The following TLE4 variants were observed in gnomAD, a reference collection of about 807,000 sequenced individuals.
The protein encoded by TLE4 is TLE family member 4, transcriptional corepressor.
Under a neutral mutation model 92.8 loss-of-function variants are expected in TLE4, and 8 were observed. The observed-to-expected ratio is 0.09, with a 90% CI of 0.05 to 0.16. The LOEUF is 0.16. Ranked by LOEUF, TLE4 falls within the 10% of genes least tolerant of loss-of-function variation. The pLI is 1.00. For missense variants in TLE4, 675 were observed against 997.6 expected, an observed-to-expected ratio of 0.68 and a Z score of 4.36; for synonymous variants, 371 against 374.1, an observed-to-expected ratio of 0.99 and a Z score of 0.10.
chr9:79,672,737 G>A (rs914336116), intron 8 of TLE4, among the ~76,000 whole-genome samples: 15 of 151,936 alleles, frequency 9.9e-5, no homozygotes, highest in African/African-American at 3.6e-4. Context: ...GATTTAAGAG[G>A]GATTCACATT....
At chr9:79,585,842 C>G (rs1367950791) in intron 4 of TLE4, among the ~76,000 whole-genome samples, 1 of 151,718 alleles carries the variant, frequency 6.6e-6, no homozygotes, top group Non-Finnish European at 1.5e-5. Context: ...TAAAGCATTC[C>G]CCCCGTCCTG....
intron 8 of TLE4, among the ~76,000 whole-genome samples, chr9:79,686,494 C>T (rs944662940): frequency 6.6e-6 from 1 of 152,100 alleles, no homozygotes. Flanking sequence ...AAGATGAGGT[C>T]ATCCGGGAAT....
intron 8 of TLE4, among the ~76,000 whole-genome samples, chr9:79,677,632 A>G (rs1037336472): frequency 5.5e-5 from 8 of 146,020 alleles, no homozygotes; most frequent in African/African-American, 1.8e-4. Context: ...TTTGTAAAAC[A>G]ATTCTGCGTT....
chr9:79,580,079 G>A (rs2039189389), intron 4 of TLE4: 1 of 152,210 alleles, frequency 6.6e-6, no homozygotes, highest in Admixed American at 6.5e-5. Flanking sequence ...TTGTTAAGAA[G>A]AAATTGACTT....
At chr9:79,624,997 T>C (rs1456190895) in intron 5 of TLE4, among the ~76,000 whole-genome samples, 1 of 151,042 alleles carries the variant, frequency 6.6e-6, no homozygotes, top group Non-Finnish European at 1.5e-5. Context: ...TAAGTTTCTT[T>C]TAAATCTATT....
intron 6 of TLE4, among the ~76,000 whole-genome samples, chr9:79,628,342 C>T (rs1003114650): frequency 6.6e-6 from 1 of 151,528 alleles, no homozygotes; most frequent in African/African-American, 2.4e-5. Flanking sequence ...GTATCAAACA[C>T]ACTTTGAAAT....
At chr9:79,698,540 TTTTGA>T (rs2068870611) in intron 8 of TLE4, among the ~76,000 whole-genome samples, 1 of 152,034 alleles carries the variant, frequency 6.6e-6, no homozygotes, top group African/African-American at 2.4e-5. Context: ...TGAAGGTGAG[TTTTGA>T]TTTATGTTAA....
At chr9:79,573,342 TC>T in intron 1 of TLE4, 10 of 1,088,026 alleles carry the variant, frequency 9.2e-6, no homozygotes, top group Admixed American at 4.3e-5. Context: ...ATGGCGCGGG[TC>T]CCCCCGACGG....
At chr9:79,636,990 G>T (rs551920726) in intron 6 of TLE4, among the ~76,000 whole-genome samples, 107 of 134,988 alleles carry the variant, frequency 7.9e-4, no homozygotes, top group Non-Finnish European at 3.9e-4. Context: ...AAAAGGAAGC[G>T]CATGGACTGG....
chr9:79,653,223 G>A (rs755804076), intron 7 of TLE4, among the ~76,000 whole-genome samples: 13 of 152,138 alleles, frequency 8.5e-5, no homozygotes, highest in Non-Finnish European at 1.5e-4. Flanking sequence ...CCTATATAGA[G>A]CAGTAAAAAT....
Position 79,572,661 on chromosome 9 carries a change from G to C in TLE4, c.-130G>C. 9.1e-6 allele frequency: 7 copies of C among 772,238 alleles called. No homozygotes were observed. The highest frequency in any genetic ancestry group is 3.3e-4 in the Middle Eastern group (1 of 3,020). 47.8% of individuals were successfully genotyped at this position (772,238 alleles called of 1,614,324 possible). A position where few individuals can be genotyped will look rare whatever the true frequency, so the allele number is the denominator to read the frequency against. ...CCGTGTCACGCGAGACCCGGCGGGG[G>C]CCGGGACCGCCCGAGCCGCCCCTCA... On this transcript the variant is annotated 5_prime_UTR_variant, in exon 1 of 20. Coordinates refer to ENST00000376552, the MANE Select transcript of TLE4 (RefSeq NM_007005.6).
chr9:79,712,154 C>T (rs1286964103), intron 14 of TLE4, among the ~76,000 whole-genome samples: 2 of 152,136 alleles, frequency 1.3e-5, no homozygotes, highest in African/African-American at 4.8e-5. Flanking sequence ...GCTGTTTAGT[C>T]AACCCCAGCA....
At chr9:79,588,912 G>T (rs1353728213) in intron 4 of TLE4, among the ~76,000 whole-genome samples, 2 of 152,208 alleles carry the variant, frequency 1.3e-5, no homozygotes, top group Non-Finnish European at 1.5e-5. Context: ...CCAAACAAAA[G>T]AATTAGGGAG....
chr9:79,687,377 A>C (rs1051035576), intron 8 of TLE4, among the ~76,000 whole-genome samples: 1 of 152,128 alleles, frequency 6.6e-6, no homozygotes, highest in Non-Finnish European at 1.5e-5. Context: ...TGGGTGCCAG[A>C]TTTTCTTCCT....
At chr9:79,609,676 G>T (rs1485199754) in intron 4 of TLE4, among the ~76,000 whole-genome samples, 1 of 151,972 alleles carries the variant, frequency 6.6e-6, no homozygotes, top group Admixed American at 6.6e-5. Context: ...TGCTATTTTA[G>T]AATATCATGA....
In TLE4 at chr9:79,575,911, G is replaced by A. The variant is rs541210434; in HGVS notation, c.208-222G>A. 6.8e-5 allele frequency: 25 copies of A among 366,652 alleles called. No homozygotes were observed. The East Asian group carries it at 9.1e-4, about 13-fold the overall frequency. 22.7% of individuals were successfully genotyped at this position (366,652 alleles called of 1,614,324 possible). ...TGGAGATGTTAAGAATGCTGTGTTT[G>A]AATTTAATTTTTCTTAGTTTTGTGT... On this transcript the variant is annotated intron_variant, in intron 3 of 19. Transcript: ENST00000376552.
chr9:79,639,952 G>A (rs2056796346), intron 6 of TLE4, among the ~76,000 whole-genome samples: 1 of 152,110 alleles, frequency 6.6e-6, no homozygotes, highest in African/African-American at 2.4e-5. Flanking sequence ...GGAACAACCT[G>A]AACACCCAAC....
chr9:79,673,662 C>T (rs2062778282), intron 8 of TLE4, among the ~76,000 whole-genome samples: 2 of 152,226 alleles, frequency 1.3e-5, no homozygotes, highest in Admixed American at 6.6e-5. Context: ...GTTTCTTATA[C>T]TTTTATACCT....
At chr9:79,669,970 G>T (rs2062008703) in intron 8 of TLE4, among the ~76,000 whole-genome samples, 1 of 152,120 alleles carries the variant, frequency 6.6e-6, no homozygotes, top group Non-Finnish European at 1.5e-5. Context: ...TTCAGTACTA[G>T]ATGGTCAAAT....
Sources: allele counts gnomAD v4.1 joint callset (sites outside exome capture counted in the v4.1 genomes callset), GRCh38; gene constraint gnomAD v4.1.1; transcripts MANE v1.5; gene names NCBI Gene and HGNC (gene_info 2026-07-23, HGNC 2026-07-21).